AIG1: variants seen among roughly 807,000 people sequenced by gnomAD.
AIG1 encodes androgen induced 1.
Under a neutral mutation model 31.4 loss-of-function variants are expected in AIG1, and 23 were observed. The ratio of observed to expected loss-of-function variants is 0.73; its 90% CI spans 0.53 to 1.04. The LOEUF (loss-of-function observed/expected upper bound fraction) is 1.04. Among genes scored for constraint, AIG1 ranks in the 50% least tolerant of loss-of-function variants. AIG1 has a pLI of 0.00. For synonymous variants in AIG1, 100 were observed against 110.5 expected (o/e 0.90, Z 0.60); for missense variants, 274 against 295.0 (o/e 0.93, Z 0.52).
chr6:143,262,360 A>G (rs1795842990), intron 3 of AIG1, among the ~76,000 whole-genome samples: 1 of 152,222 alleles, frequency 6.6e-6, no homozygotes, highest in Non-Finnish European at 1.5e-5. Flanking sequence ...AGTAGGAAGA[A>G]TTATTTGCTG....
chr6:143,116,687 C>T lies in AIG1; in HGVS notation c.142-20148C>T, dbSNP rs139396398. On this transcript the variant is annotated intron_variant, in intron 1 of 5. Transcript: ENST00000357847. ...GCAGAAGAGACCCAGAGCCAGCACACGAGATGGGGTTTTATTGGGGAACTT... is the reference window on the plus strand; with the variant it reads ...GCAGAAGAGACCCAGAGCCAGCACATGAGATGGGGTTTTATTGGGGAACTT... 5.3e-3 allele frequency among the ~76,000 whole-genome samples: 796 copies of T among 148,808 alleles called. 6 individuals are homozygous for T. The highest frequency in any genetic ancestry group is 0.012 in the African/African-American group (482 of 40,232).
intron 3 of AIG1, among the ~76,000 whole-genome samples, chr6:143,229,709 C>A (rs1424414036): frequency 3.4e-5 from 5 of 149,138 alleles, no homozygotes; most frequent in African/African-American, 1.2e-4. Context: ...CAAGGCAATG[C>A]CCTTTAGTTG....
At chr6:143,231,431 G>A (rs1355483096) in intron 3 of AIG1, among the ~76,000 whole-genome samples, 1 of 152,192 alleles carries the variant, frequency 6.6e-6, no homozygotes, top group Non-Finnish European at 1.5e-5. Context: ...AGCTGGGAAA[G>A]CTTCCCAGAA....
intron 3 of AIG1, among the ~76,000 whole-genome samples, chr6:143,254,127 C>T (rs1263694524): frequency 6.6e-6 from 1 of 151,994 alleles, no homozygotes; most frequent in Non-Finnish European, 1.5e-5. Flanking sequence ...TTGGAGTACA[C>T]AGCAATAAAC....
chr6:143,117,595 C>T (rs1781848789), intron 1 of AIG1, among the ~76,000 whole-genome samples: 1 of 152,038 alleles, frequency 6.6e-6, no homozygotes, highest in Non-Finnish European at 1.5e-5. Flanking sequence ...GTTTGAGATG[C>T]CTGTCTGACT....
At chr6:143,101,471 G>C (rs1168596485) in intron 1 of AIG1, among the ~76,000 whole-genome samples, 1 of 152,166 alleles carries the variant, frequency 6.6e-6, no homozygotes, top group Non-Finnish European at 1.5e-5. Flanking sequence ...TAGGATTAAG[G>C]GTCTAGATTC....
chr6:143,233,304 T>G (rs1317516639), intron 3 of AIG1, among the ~76,000 whole-genome samples: 1 of 152,078 alleles, frequency 6.6e-6, no homozygotes, highest in African/African-American at 2.4e-5. Context: ...ATTTTTTACA[T>G]TTTAAAACCA....
chr6:143,197,308 C>T (rs1406057923), intron 3 of AIG1, among the ~76,000 whole-genome samples: 1 of 151,980 alleles, frequency 6.6e-6, no homozygotes, highest in Non-Finnish European at 1.5e-5. Flanking sequence ...TTGAAGTGCT[C>T]AGGAAACTTT....
At chr6:143,093,959 G>A (rs773478690) in intron 1 of AIG1, 1 of 152,068 alleles carries the variant, frequency 6.6e-6, no homozygotes, top group Non-Finnish European at 1.5e-5. Flanking sequence ...CACCATAACA[G>A]ATATAATAAT....
intron 3 of AIG1, among the ~76,000 whole-genome samples, chr6:143,204,721 C>T (rs56383524): frequency 6.6e-6 from 1 of 151,936 alleles, no homozygotes; most frequent in Non-Finnish European, 1.5e-5. Flanking sequence ...GAACAATGTG[C>T]GGAGTCCAAA....
At chr6:143,316,803 A>G (rs1184527734) in intron 4 of AIG1, among the ~76,000 whole-genome samples, 1 of 152,180 alleles carries the variant, frequency 6.6e-6, no homozygotes, top group Admixed American at 6.5e-5. Flanking sequence ...AAATAAGCTC[A>G]ATTAGAAAAG....
At chr6:143,302,177 A>C (rs1798871524) in intron 4 of AIG1, among the ~76,000 whole-genome samples, 1 of 150,310 alleles carries the variant, frequency 6.7e-6, no homozygotes, top group Non-Finnish European at 1.5e-5. Context: ...AGAAACTAAC[A>C]CTTTTATTTT....
intron 3 of AIG1, among the ~76,000 whole-genome samples, chr6:143,278,041 T>C (rs1797070613): frequency 6.6e-6 from 1 of 152,242 alleles, no homozygotes; most frequent in African/African-American, 2.4e-5. Context: ...AACTTCTCTG[T>C]AGTTTATAGG....
chr6:143,198,164 A>G (rs995122199), intron 3 of AIG1, among the ~76,000 whole-genome samples: 2 of 152,174 alleles, frequency 1.3e-5, no homozygotes, highest in Non-Finnish European at 2.9e-5. Flanking sequence ...TCAGTCCTCT[A>G]TTTACTCTCT....
rs190556162 is a variant in AIG1, at chr6:143,074,829, T to C, written c.141+13763T>C. On this transcript the variant is annotated intron_variant, in intron 1 of 5. Coordinates refer to ENST00000357847, the MANE Select transcript of AIG1 (RefSeq NM_016108.4). The stretch of plus-strand genomic sequence containing the variant: ...AGGAACATTTGTCAATAGTGTGTTT[T>C]TCTTTTATTGTTTTTGGCTTTGATA... Among the ~76,000 whole-genome samples, 42 of 152,334 alleles carry C rather than the reference T, an allele frequency of 2.8e-4. 1 individual carries two copies. Among genetic ancestry groups the C allele is most frequent in the African/African-American group, 9.9e-4 (41 of 41,572 alleles).
At chr6:143,200,122 G>C (rs1790577138) in intron 3 of AIG1, among the ~76,000 whole-genome samples, 1 of 152,136 alleles carries the variant, frequency 6.6e-6, no homozygotes, top group African/African-American at 2.4e-5. Context: ...AGGATGTATA[G>C]TTTTGAGACA....
chr6:143,096,535 C>G (rs1009048431), intron 1 of AIG1, among the ~76,000 whole-genome samples: 6 of 152,166 alleles, frequency 3.9e-5, no homozygotes, highest in African/African-American at 1.4e-4. Context: ...CAGATGGCTT[C>G]TCTTCTTGCT....
rs540879131 is a variant in AIG1 at position 143,280,541 on chromosome 6, G to A, written c.400-3569G>A. Among the ~76,000 whole-genome samples the A allele has an allele frequency of 3.0e-4, 46 of 152,184 alleles. No individual in the cohort carries two copies. Among genetic ancestry groups the A allele is most frequent in the African/African-American group, 7.2e-4 (30 of 41,434 alleles). On this transcript the variant is annotated intron_variant, in intron 3 of 5. Coordinates refer to ENST00000357847, the MANE Select transcript of AIG1 (RefSeq NM_016108.4). This position sits in a 1 kb window ranked among gnomAD's most constrained non-coding sequence, Gnocchi z 4.1. ...GTACACCACAGAATACTATGCAGCC[G>A]TAAAAAAGAGTGAGATCACGTCTTT...
At position 143,299,647 on chromosome 6, in the gene AIG1, C is replaced by A. The variant is rs910056633; in HGVS notation, c.515+15422C>A. ...GCCACTGAGAGGGTCTGATTGAATT[C>A]GAAAACCACAGTATGATGCTGCACA... On this transcript the variant is annotated intron_variant, in intron 4 of 5. Transcript: ENST00000357847. The surrounding 1 kb of genome is among the most constrained non-coding windows in gnomAD (Gnocchi z 4.1). 1 of 152,176 alleles carries A rather than the reference C, an allele frequency of 6.6e-6. No individual in the cohort carries two copies. Among genetic ancestry groups the A allele is most frequent in the Non-Finnish European group, 1.5e-5 (1 of 68,038 alleles). 9.4% of individuals were successfully genotyped at this position (152,176 alleles called of 1,614,324 possible). A position where few individuals can be genotyped will look rare whatever the true frequency, so the allele number is the denominator to read the frequency against.
Sources: gnomAD v4.1 joint callset for allele counts (sites outside exome capture counted in the v4.1 genomes callset) on GRCh38, gnomAD v4.1.1 for gene constraint, Gnocchi (gnomAD v3.1) non-coding constraint, MANE v1.5 for transcripts, NCBI Gene and HGNC (gene_info 2026-07-23, HGNC 2026-07-21) for gene names.